The following PPFIA2 variants were observed in gnomAD, a reference collection of about 807,000 sequenced individuals.
The protein encoded by PPFIA2 is PPFI scaffold protein A2.
Under a neutral mutation model 175.5 loss-of-function variants are expected in PPFIA2, and 46 were observed. The observed-to-expected ratio is 0.26, with a 90% CI of 0.21 to 0.34. PPFIA2 has a LOEUF of 0.34. Ranked by LOEUF, PPFIA2 falls within the 10% of genes least tolerant of loss-of-function variation. PPFIA2 has a pLI of 1.00. For missense variants in PPFIA2, 1,179 were observed against 1,506.1 expected, an observed-to-expected ratio of 0.78 and a Z score of 3.60; for synonymous variants, 568 against 511.4, an observed-to-expected ratio of 1.11 and a Z score of -1.49.
chr12:81,322,757 G>A (rs187179772), intron 22 of PPFIA2, among the ~76,000 whole-genome samples: 354 of 152,204 alleles, frequency 2.3e-3, no homozygotes, highest in Non-Finnish European at 3.7e-3. Context: ...AACAACAACA[G>A]CAACTGTTTA....
At chr12:81,442,825 T>A (rs1478582722) in intron 6 of PPFIA2, among the ~76,000 whole-genome samples, 2 of 120,332 alleles carry the variant, frequency 1.7e-5, no homozygotes, top group East Asian at 5.3e-4. Context: ...CAAGGCATGG[T>A]TAATTGCATC....
At chr12:81,326,940 C>T (rs912085337) in intron 21 of PPFIA2, among the ~76,000 whole-genome samples, 16 of 152,044 alleles carry the variant, frequency 1.1e-4, no homozygotes, top group Non-Finnish European at 1.9e-4. Context: ...AACTTTTGCT[C>T]TTCTCTCATT....
intron 3 of PPFIA2, among the ~76,000 whole-genome samples, chr12:81,712,590 G>C (rs1021919130): frequency 1.3e-5 from 2 of 151,020 alleles, no homozygotes; most frequent in African/African-American, 2.4e-5. Flanking sequence ...GAATTCCTTG[G>C]TGTTTTTAGT....
chr12:81,724,369 C>T (rs1259659644), intron 3 of PPFIA2, among the ~76,000 whole-genome samples: 2 of 150,738 alleles, frequency 1.3e-5, no homozygotes, highest in Admixed American at 1.3e-4. Flanking sequence ...ATGCAGTTTT[C>T]TTACATGAAT....
chr12:81,680,505 A>G (rs980261384), intron 3 of PPFIA2, among the ~76,000 whole-genome samples: 2 of 152,004 alleles, frequency 1.3e-5, no homozygotes, highest in South Asian at 4.1e-4. Flanking sequence ...GACACTGCAC[A>G]TATCTATGTT....
chr12:81,601,241 A>T (rs567112637), intron 4 of PPFIA2, among the ~76,000 whole-genome samples: 1 of 152,084 alleles, frequency 6.6e-6, no homozygotes, highest in Non-Finnish European at 1.5e-5. Context: ...TTGCCAAAGT[A>T]TACAATTTTT....
chr12:81,599,380 T>A (rs906540127), intron 4 of PPFIA2, among the ~76,000 whole-genome samples: 3 of 152,038 alleles, frequency 2.0e-5, no homozygotes, highest in African/African-American at 7.2e-5. Context: ...ATGGAAAGGA[T>A]GCAGAAAAGT....
In PPFIA2 at chr12:81,445,650, C is replaced by A. The variant is rs1265251519; in HGVS notation, c.476G>T (p.Arg159Leu). Residue 159 changes from arginine (R) to leucine (L), a missense_variant, in exon 6 of 33, where the codon CGG (arginine) becomes CTG (leucine). Coordinates refer to ENST00000549396, the MANE Select transcript of PPFIA2 (RefSeq NM_003625.5). The stretch of plus-strand genomic sequence containing the variant: ...TACTCCTGAGGGAGACTGGGCTTGC[C>A]GTTTTACCACCGTCATTCTTAGTGA... ...ERSLRMTVVK[R>L]QAQSPSGVSS... is the part of the protein sequence containing the mutation. 1 of 1,613,710 alleles carries A rather than the reference C, an allele frequency of 6.2e-7. No homozygotes were observed. The highest frequency in any genetic ancestry group is 8.5e-7 in the Non-Finnish European group (1 of 1,179,848).
intron 24 of PPFIA2, among the ~76,000 whole-genome samples, chr12:81,286,607 T>C (rs1459475473): frequency 6.6e-6 from 1 of 152,050 alleles, no homozygotes; most frequent in Non-Finnish European, 1.5e-5. Flanking sequence ...AAGTATGCTC[T>C]ATGGTACTCT....
chr12:81,327,386 G>T lies in PPFIA2; in HGVS notation c.2549-1516C>A, dbSNP rs1292639060. The stretch of plus-strand genomic sequence containing the variant: ...TGGTGACTAAAGTACTCTTGGGAAA[G>T]AAACATTTTCAAATGGGAAATTTTC... On this transcript the variant is annotated intron_variant, in intron 21 of 32. Transcript: ENST00000549396. 2.0e-5 allele frequency among the ~76,000 whole-genome samples: 3 copies of T among 151,978 alleles called. No individual in the cohort carries two copies. The East Asian group carries it at 5.8e-4, about 29-fold the overall frequency.
At chr12:81,671,852 G>T (rs1164358936) in intron 4 of PPFIA2, among the ~76,000 whole-genome samples, 4 of 150,464 alleles carry the variant, frequency 2.7e-5, no homozygotes, top group African/African-American at 9.7e-5. Flanking sequence ...TCTACAATTG[G>T]CAAGAAATAA....
intron 3 of PPFIA2, among the ~76,000 whole-genome samples, chr12:81,736,785 C>A (rs764991589): frequency 5.3e-5 from 8 of 151,966 alleles, no homozygotes; most frequent in Non-Finnish European, 8.8e-5. Context: ...CTGTCTGTCA[C>A]CCAGGTTGGA....
chr12:81,458,058 T>C lies in PPFIA2; in HGVS notation c.304-192A>G, dbSNP rs567768002. 2.0e-5 allele frequency among the ~76,000 whole-genome samples: 3 copies of C among 152,270 alleles called. No homozygotes were observed. In the South Asian group the frequency reaches 6.2e-4, roughly 31 times the overall value. On this transcript the variant is annotated intron_variant, in intron 4 of 32. Coordinates refer to ENST00000549396, the MANE Select transcript of PPFIA2 (RefSeq NM_003625.5). ...AATCCATAATATGTGTCATATGCATTTTATTACAGTACACTGCTTAGATGG... is the reference window on the plus strand; with the variant it reads ...AATCCATAATATGTGTCATATGCATCTTATTACAGTACACTGCTTAGATGG...
In PPFIA2 at chr12:81,692,345, GT is replaced by G. The variant is rs577106011; in HGVS notation, c.250-15502del. ...ATTGCAGCCTTGTGAGAGATCTGGAGTCTGAGGACCCAGCTAAACCGTGCCA... is the reference window on the plus strand; with the variant it reads ...ATTGCAGCCTTGTGAGAGATCTGGAGCTGAGGACCCAGCTAAACCGTGCCA... On this transcript the variant is annotated intron_variant, in intron 3 of 32. Transcript: ENST00000549396. Among the ~76,000 whole-genome samples, 74 of 152,200 alleles carry G rather than the reference GT, an allele frequency of 4.9e-4. No individual in the cohort carries two copies. In the South Asian group the frequency reaches 0.014, roughly 29 times the overall value.
At chr12:81,334,975 G>A (rs944917392) in intron 21 of PPFIA2, among the ~76,000 whole-genome samples, 10 of 152,174 alleles carry the variant, frequency 6.6e-5, no homozygotes, top group African/African-American at 2.4e-4. Context: ...TGCTTTGACA[G>A]TACACAGCCT....
chr12:81,439,925 T>G (rs1303134782), intron 7 of PPFIA2, 47 bp downstream of exon 7: 1 of 1,412,202 alleles, frequency 7.1e-7, no homozygotes, highest in Non-Finnish European at 9.8e-7. Flanking sequence ...AGGGATGTAA[T>G]GTCAGCGATA....
chr12:81,462,420 T>C (rs1040621294), intron 4 of PPFIA2, among the ~76,000 whole-genome samples: 5 of 147,458 alleles, frequency 3.4e-5, no homozygotes, highest in Non-Finnish European at 1.5e-5. Context: ...AATTCAGACA[T>C]GGTGAAGTAT....
At chr12:81,652,637 G>A (rs183185196) in intron 4 of PPFIA2, among the ~76,000 whole-genome samples, 10 of 152,104 alleles carry the variant, frequency 6.6e-5, no homozygotes, top group African/African-American at 1.9e-4. Flanking sequence ...CTTCCTGACA[G>A]CTAGTTATTT....
Position 81,368,865 on chromosome 12 carries a change from T to A in PPFIA2, c.1351-9A>T. The A allele has an allele frequency of 1.9e-6, 3 of 1,596,866 alleles. No individual in the cohort carries two copies. Among genetic ancestry groups the A allele is most frequent in the Non-Finnish European group, 2.6e-6 (3 of 1,174,112 alleles). On this transcript the variant is annotated splice_polypyrimidine_tract_variant and intron_variant, in intron 12 of 32. Transcript: ENST00000549396. ...TTCTCTCTTTGCCTAGCCTTACATT[T>A]TAAAAAATGACATAAAAATCCATTC...
Sources: gnomAD v4.1 joint callset for allele counts (sites outside exome capture counted in the v4.1 genomes callset) on GRCh38, gnomAD v4.1.1 for gene constraint, MANE v1.5 for transcripts, NCBI Gene and HGNC (gene_info 2026-07-23, HGNC 2026-07-21) for gene names.